TAFA5: variants seen among roughly 807,000 people sequenced by gnomAD.
TAFA5 encodes the protein TAFA chemokine like family member 5.
A neutral mutation model predicts 15.3 loss-of-function variants in TAFA5; 6 were observed. That is an observed-to-expected ratio of 0.39 (90% confidence interval 0.21 to 0.77). The LOEUF (loss-of-function observed/expected upper bound fraction) is 0.77, where lower values mean the gene tolerates loss of function less well. TAFA5 is among the 30% of genes least tolerant of loss of function. TAFA5 has a pLI of 0.41. For synonymous variants in TAFA5, 103 were observed against 80.7 expected, an observed-to-expected ratio of 1.28 and a Z score of -1.48; for missense variants, 161 against 193.1, an observed-to-expected ratio of 0.83 and a Z score of 0.98.
rs1256841745 is a variant in TAFA5 at position 48,623,316 on chromosome 22, GAC to G, written c.113-23279_113-23278del. On this transcript the variant is annotated intron_variant, in intron 1 of 3. Coordinates refer to ENST00000402357, the MANE Select transcript of TAFA5 (RefSeq NM_001082967.3). ...CCCTGCGCGGTGACCTGTGGGACGG[GAC>G]ATGTCGCGTGGCCCTGCGTGGTGAC... Among the ~76,000 whole-genome samples the G allele has an allele frequency of 1.9e-4, 22 of 115,264 alleles. 1 individual carries two copies. The highest frequency in any genetic ancestry group is 5.8e-4 in the South Asian group (2 of 3,426). 75.6% of individuals were successfully genotyped at this position (115,264 alleles called of 152,430 possible). A position where few individuals can be genotyped will look rare whatever the true frequency, so the allele number is the denominator to read the frequency against.
At chr22:48,660,976 G>A (rs574023588) in intron 2 of TAFA5, among the ~76,000 whole-genome samples, 2 of 152,256 alleles carry the variant, frequency 1.3e-5, no homozygotes, top group African/African-American at 4.8e-5. Context: ...AAACTCTGAC[G>A]CAGGAGCAGG....
chr22:48,580,000 G>T (rs185368192), intron 1 of TAFA5, among the ~76,000 whole-genome samples: 25 of 152,288 alleles, frequency 1.6e-4, no homozygotes, highest in African/African-American at 5.1e-4. Flanking sequence ...TCGACGGCTT[G>T]AACGTGCTGT....
chr22:48,575,251 G>T (rs960570894), intron 1 of TAFA5, among the ~76,000 whole-genome samples: 6 of 152,076 alleles, frequency 3.9e-5, no homozygotes, highest in Admixed American at 3.9e-4. Flanking sequence ...CACCTAGGTG[G>T]AGCCCGACCC....
At chr22:48,514,871 C>T (rs542322232) in intron 1 of TAFA5, among the ~76,000 whole-genome samples, 3 of 152,338 alleles carry the variant, frequency 2.0e-5, no homozygotes, top group East Asian at 1.9e-4. Context: ...GGGTGGGTGG[C>T]GTTTCCACAA....
intron 1 of TAFA5, among the ~76,000 whole-genome samples, chr22:48,492,019 C>T (rs1928170313): frequency 6.6e-6 from 1 of 152,140 alleles, no homozygotes; most frequent in South Asian, 2.1e-4. Flanking sequence ...AAGAGACACA[C>T]CCCATTACAC....
intron 1 of TAFA5, among the ~76,000 whole-genome samples, chr22:48,641,663 C>T (rs1323819992): frequency 8.6e-5 from 13 of 151,158 alleles, no homozygotes; most frequent in Non-Finnish European, 1.8e-4. Flanking sequence ...CACACGATGC[C>T]GTCCCCTCGC....
At chr22:48,725,177 A>G (rs574810193) in intron 3 of TAFA5, among the ~76,000 whole-genome samples, 13 of 152,370 alleles carry the variant, frequency 8.5e-5, no homozygotes, top group African/African-American at 2.9e-4. Flanking sequence ...CTTTCAGGCC[A>G]TCCCGGAGTG....
chr22:48,533,833 A>G (rs1294601448), intron 1 of TAFA5, among the ~76,000 whole-genome samples: 1 of 152,088 alleles, frequency 6.6e-6, no homozygotes, highest in Non-Finnish European at 1.5e-5. Context: ...GTCCAGAAAT[A>G]TGAGAAAATG....
chr22:48,556,764 C>A (rs189815474), intron 1 of TAFA5, among the ~76,000 whole-genome samples: 1 of 151,932 alleles, frequency 6.6e-6, no homozygotes, highest in Non-Finnish European at 1.5e-5. Flanking sequence ...TCAGGGACAC[C>A]CCCCTAGGCA....
intron 1 of TAFA5, among the ~76,000 whole-genome samples, chr22:48,513,641 G>A (rs1391660330): frequency 6.6e-6 from 1 of 152,344 alleles, no homozygotes; most frequent in South Asian, 2.1e-4. Context: ...AGGCCTGTGC[G>A]GCCCCAGAGC....
In TAFA5 at chr22:48,489,743, G is replaced by A. The variant is rs761720447; in HGVS notation, c.112+39G>A. 9.3e-6 allele frequency: 12 copies of A among 1,296,824 alleles called. No individual in the cohort carries two copies. The East Asian group carries it at 1.3e-4, about 14-fold the overall frequency. 80.3% of individuals were successfully genotyped at this position (1,296,824 alleles called of 1,614,324 possible). On this transcript the variant is annotated intron_variant, in intron 1 of 3. Transcript: ENST00000402357. The surrounding 1 kb of genome is among the most constrained non-coding windows in gnomAD (Gnocchi z 5.5). ...GGCCCCGGCCCCGGCACGGCCCTCT[G>A]GGCCCCGGACCCCCTCCTCCGGCCC... is the stretch of plus-strand genomic sequence containing the variant.
intron 1 of TAFA5, among the ~76,000 whole-genome samples, chr22:48,607,274 T>G (rs1276508522): frequency 1.5e-5 from 2 of 137,102 alleles, no homozygotes; most frequent in South Asian, 2.3e-4. Flanking sequence ...CCCAGGTACC[T>G]CAGCCTGGAG....
chr22:48,494,991 T>A (rs1212787731), intron 1 of TAFA5, among the ~76,000 whole-genome samples: 2 of 152,234 alleles, frequency 1.3e-5, no homozygotes, highest in African/African-American at 2.4e-5. Flanking sequence ...CCCCTGGTCC[T>A]CCTGGCTCCA....
intron 1 of TAFA5, among the ~76,000 whole-genome samples, chr22:48,494,965 G>A (rs985280380): frequency 2.0e-5 from 3 of 152,334 alleles, no homozygotes; most frequent in African/African-American, 7.2e-5. Context: ...CTAGGCGAGC[G>A]GGACTCCTCT....
intron 2 of TAFA5, among the ~76,000 whole-genome samples, chr22:48,700,487 T>C: frequency 6.6e-6 from 1 of 152,272 alleles, no homozygotes; most frequent in African/African-American, 2.4e-5. Context: ...AGCAGCCCTT[T>C]GACCAAAGCC....
intron 2 of TAFA5, among the ~76,000 whole-genome samples, chr22:48,694,812 ACCCGCCGCCGCTCC>A (rs1928656192): frequency 3.2e-5 from 1 of 31,518 alleles, no homozygotes; most frequent in Non-Finnish European, 6.6e-5. Flanking sequence ...CTCCGCCCCC[ACCCGCCGCCGCTCC>A]GACCTCCGCC....
intron 3 of TAFA5, among the ~76,000 whole-genome samples, chr22:48,720,681 C>A (rs190615204): frequency 1.3e-5 from 2 of 152,142 alleles, no homozygotes; most frequent in Non-Finnish European, 2.9e-5. Flanking sequence ...GGCAGCTTCC[C>A]AGAAGTTCTC....
chr22:48,525,512 C>T (rs956371216), intron 1 of TAFA5, among the ~76,000 whole-genome samples: 7 of 152,002 alleles, frequency 4.6e-5, no homozygotes, highest in African/African-American at 1.4e-4. Context: ...TTCCCCCTCC[C>T]GGCTGAACCT....
chr22:48,729,377 A>ATATT (rs34108509), intron 3 of TAFA5, among the ~76,000 whole-genome samples: 32,751 of 139,082 alleles, frequency 0.24, 4,252 homozygotes, highest in Admixed American at 0.34. Flanking sequence ...ATTTATAAAT[A>ATATT]TATGTAAATA....
Sources: gnomAD v4.1 joint callset for allele counts (sites outside exome capture counted in the v4.1 genomes callset) on GRCh38, gnomAD v4.1.1 for gene constraint, Gnocchi (gnomAD v3.1) non-coding constraint, MANE v1.5 for transcripts, NCBI Gene and HGNC (gene_info 2026-07-23, HGNC 2026-07-21) for gene names.